ITIH6: variants seen among roughly 807,000 people sequenced by gnomAD.
The protein encoded by ITIH6 is inter-alpha-trypsin inhibitor heavy chain family member 6.
Under a neutral mutation model 58.2 loss-of-function variants are expected in ITIH6, and 60 were observed. The ratio of observed to expected loss-of-function variants is 1.03; its 90% CI spans 0.84 to 1.28. The LOEUF (loss-of-function observed/expected upper bound fraction) is 1.28. ITIH6 is among the 50% of genes most tolerant of loss of function. The pLI is 0.00. For synonymous variants in ITIH6, 493 were observed against 417.4 expected (o/e 1.18, Z -2.21); for missense variants, 1,290 against 1,021.1 (o/e 1.26, Z -3.59).
At chrX:54,770,481 G>A (rs1041321546) in intron 6 of ITIH6, among the ~76,000 whole-genome samples, 2 of 112,607 alleles carry the variant, frequency 1.8e-5, no homozygotes, top group East Asian at 2.8e-4. Context: ...ACATGATCCC[G>A]TTTTATCTTA....
chrX:54,791,956 T>C lies in ITIH6; in HGVS notation c.338A>G (p.Gln113Arg). ...AKKIYEEAHQ[Q>R]GKTAAHVGIR... ...GCCTACATGAGCAGCTGTCTTTCCC[T>C]GCTGATGGGCTTCTTCATAGATTTT... The change falls in exon 3 of 13, where the codon CAG becomes CGG. Residue 113 changes from glutamine (Q) to arginine (R), a missense_variant. Transcript: ENST00000218436. The C allele has an allele frequency of 8.3e-7, 1 of 1,199,556 alleles. No individual in the cohort carries two copies. Among genetic ancestry groups the C allele is most frequent in the Non-Finnish European group, 1.1e-6 (1 of 884,280 alleles).
chrX:54,757,342 G>A lies in ITIH6; in HGVS notation c.2732C>T (p.Ser911Phe). ...LSTFPNTISSSTGPSSTTTTS... is the reference protein window; with the variant it reads ...LSTFPNTISSFTGPSSTTTTS... ...GGTTGTGGTACTGCTGGGACCTGTG[G>A]AACTTGAGATTGTATTTGGGAATGT... Residue 911 changes from serine (S) to phenylalanine (F), a missense_variant, in exon 8 of 13, where the codon TCC (serine) becomes TTC (phenylalanine). Physicochemically the swap from Ser to Phe is radical, Grantham distance 155. Coordinates refer to ENST00000218436, the MANE Select transcript of ITIH6 (RefSeq NM_198510.3). 1.7e-6 allele frequency: 2 copies of A among 1,204,470 alleles called. No homozygotes were observed. The highest frequency in any genetic ancestry group is 2.2e-6 in the Non-Finnish European group (2 of 891,526).
chrX:54,792,193 AAGAGAAGAAGAGGAAAGG>A (rs1929363542), intron 2 of ITIH6, among the ~76,000 whole-genome samples, 157 bp from the exon 3 acceptor site: 1 of 111,414 alleles, frequency 9.0e-6, no homozygotes, highest in Non-Finnish European at 1.9e-5. Context: ...GAGCGGCAAG[AAGAGAAGAAGAGGAAAGG>A]AGAGGGAGAT....
intron 12 of ITIH6, 100 bp from the exon 13 acceptor site, chrX:54,750,206 A>T (rs1006509612): frequency 6.4e-6 from 4 of 627,495 alleles, no homozygotes; most frequent in Non-Finnish European, 9.8e-6. Context: ...GATTTAAAGG[A>T]GGAAGAAGGA....
Position 54,759,871 on chromosome X carries a change from G to T in ITIH6, c.960C>A (p.Asn320Lys). 1.7e-6 allele frequency: 2 copies of T among 1,209,819 alleles called. No individual in the cohort carries two copies. Among genetic ancestry groups the T allele is most frequent in the Non-Finnish European group, 2.2e-6 (2 of 893,668 alleles). Residue 320 changes from asparagine (N) to lysine (K), a missense_variant, in exon 7 of 13, where the codon AAC becomes AAA. Physicochemically the swap from Asn to Lys is moderately conservative, Grantham distance 94. Transcript: ENST00000218436. The part of the protein sequence containing the change: ...LSDLQANDYF[N>K]IISFSDTVNV... ...TAACTGTGTCAGAAAAGGAGATGAT[G>T]TTGAAGTAGTCATTGGCTTGAAGGT...
rs996817421 is a variant in ITIH6, at chrX:54,749,826, G to T, written c.*69C>A. On this transcript the variant is annotated 3_prime_UTR_variant, in exon 13 of 13. Transcript: ENST00000218436. ...TCCATGTCCTTGGGTCTCTGTCCCT[G>T]GCTCACCCCATGCCCTGGTTTCTGG... is the stretch of plus-strand genomic sequence containing the variant. 1 of 946,688 alleles carries T rather than the reference G, an allele frequency of 1.1e-6. No individual in the cohort carries two copies. The highest frequency in any genetic ancestry group is 1.5e-6 in the Non-Finnish European group (1 of 680,472). 78.0% of individuals were successfully genotyped at this position (946,688 alleles called of 1,213,427 possible). A position where few individuals can be genotyped will look rare whatever the true frequency, so the allele number is the denominator to read the frequency against.
At position 54,756,979 on chromosome X, in the gene ITIH6, G is replaced by T; in HGVS notation, c.3095C>A (p.Thr1032Asn). 8.5e-7 allele frequency: 1 copy of T among 1,178,230 alleles called. No homozygotes were observed. The highest frequency in any genetic ancestry group is 3.0e-5 in the East Asian group (1 of 33,614). The change falls in exon 8 of 13, where the codon ACT becomes AAT. Residue 1032 changes from threonine (T) to asparagine (N), a missense_variant. Physicochemically the swap from Thr to Asn is moderately conservative, Grantham distance 65. Transcript: ENST00000218436. ...LNPPAFYTFL[T>N]PDEDGSPNWD... ...ATGGCACTCACCATCTTCATCAGGA[G>T]TGAGGAAGGTATAGAAAGCTGGTGG... is the stretch of plus-strand genomic sequence containing the variant.
intron 9 of ITIH6, among the ~76,000 whole-genome samples, chrX:54,754,408 C>T (rs910658106): frequency 8.9e-6 from 1 of 111,786 alleles, no homozygotes; most frequent in African/African-American, 3.3e-5. Context: ...TTCATGTGAC[C>T]CTATTGAACT....
chrX:54,754,953 A>G, intron 9 of ITIH6, 64 bp downstream of exon 9: 3 of 853,346 alleles, frequency 3.5e-6, no homozygotes, highest in Middle Eastern at 2.8e-4. Context: ...CAATGTCAAT[A>G]AGAATTCTAA....
At chrX:54,782,965 T>C (rs1005641930) in intron 5 of ITIH6, among the ~76,000 whole-genome samples, 2 of 111,747 alleles carry the variant, frequency 1.8e-5, no homozygotes, top group African/African-American at 3.3e-5. Context: ...CAAACTTAAC[T>C]CAATAACACA....
intron 12 of ITIH6, 128 bp downstream of exon 12, chrX:54,750,875 G>A: frequency 1.4e-6 from 1 of 695,998 alleles, no homozygotes; most frequent in African/African-American, 2.2e-5. Flanking sequence ...CCAAGATGAG[G>A]AGCTCCCCAA....
In ITIH6 at chrX:54,792,006, T is replaced by G. The variant is rs1250492440; in HGVS notation, c.288A>C (p.Glu96Asp). Residue 96 changes from glutamate (E) to aspartate (D), a missense_variant, in exon 3 of 13, where the codon GAA (glutamate) becomes GAC (aspartate). By Grantham distance (45) the Glu-to-Asp change is conservative. Coordinates refer to ENST00000218436, the MANE Select transcript of ITIH6 (RefSeq NM_198510.3). ...MTINNKVYIA[E>D]VKEKHQAKKI... ...TCTTTGCCTGGTGCTTCTCTTTGAC[T>G]TCTGCAATGTAGACTTTATTGTTGA... The G allele has an allele frequency of 8.3e-7, 1 of 1,205,615 alleles. No homozygotes were observed. The highest frequency in any genetic ancestry group is 1.1e-6 in the Non-Finnish European group (1 of 891,156).
At position 54,751,051 on chromosome X, in the gene ITIH6, A is replaced by T. The variant is rs759392609; in HGVS notation, c.3682T>A (p.Tyr1228Asn). 4 of 1,188,272 alleles carry T rather than the reference A, an allele frequency of 3.4e-6. No individual in the cohort carries two copies. The highest frequency in any genetic ancestry group is 4.5e-6 in the Non-Finnish European group (4 of 884,256). ...CTGAGGCCTGAGCCATTGGCCACGT[A>T]GAACCCCAGGTGGGGTAGTTGCAGG... ...STLQLPHLGF[Y>N]VANGSGLSPS... The change falls in exon 12 of 13, where the codon TAC (tyrosine) becomes AAC (asparagine). Residue 1228 changes from tyrosine (Y) to asparagine (N), a missense_variant. By Grantham distance (143) the Tyr-to-Asn change is moderately radical (BLOSUM62 -2). Transcript: ENST00000218436.
chrX:54,790,749 G>A, intron 4 of ITIH6, 88 bp downstream of exon 4: 1 of 1,086,776 alleles, frequency 9.2e-7, no homozygotes, highest in Non-Finnish European at 1.3e-6. Flanking sequence ...GAGCAGAAGT[G>A]GCACTAGAGG....
At chrX:54,759,953 G>T in intron 6 of ITIH6, 26 bp from the exon 7 acceptor site, 1 of 1,160,642 alleles carries the variant, frequency 8.6e-7, no homozygotes, top group South Asian at 1.9e-5. Context: ...GAAATGAAGA[G>T]AATGGGACAA....
At chrX:54,768,601 G>A (rs369173624) in intron 6 of ITIH6, among the ~76,000 whole-genome samples, 2 of 108,548 alleles carry the variant, frequency 1.8e-5, no homozygotes, top group Non-Finnish European at 1.9e-5. Flanking sequence ...TGACAAAATC[G>A]GTCAGCATTT....
chrX:54,780,866 C>G (rs1281039198), intron 5 of ITIH6, among the ~76,000 whole-genome samples: 1 of 110,826 alleles, frequency 9.0e-6, no homozygotes, highest in Non-Finnish European at 1.9e-5. Context: ...ATCATTAATG[C>G]CTACTATGAG....
In ITIH6 at chrX:54,758,012, C is replaced by T. The variant is rs1409670656; in HGVS notation, c.2062G>A (p.Glu688Lys). ...GTATGAGGGCTCTCTCCCAATGGCT[C>T]CAGCTCTTTGGAACTTAGCATCTTC... The part of the protein sequence containing the change: ...TKKMLSSKEL[E>K]PLGESPHTLS... Residue 688 changes from glutamate (E) to lysine (K), a missense_variant, in exon 8 of 13, where the codon GAG becomes AAG. Coordinates refer to ENST00000218436, the MANE Select transcript of ITIH6 (RefSeq NM_198510.3). 8.3e-7 allele frequency: 1 copy of T among 1,211,442 alleles called. No individual in the cohort carries two copies. The highest frequency in any genetic ancestry group is 1.1e-6 in the Non-Finnish European group (1 of 895,247).
Position 54,762,958 on chromosome X carries a change from G to A in ITIH6, c.904-3031C>T, listed in dbSNP as rs756919843. Among the ~76,000 whole-genome samples, 158 of 111,698 alleles carry A rather than the reference G, an allele frequency of 1.4e-3. 1 individual carries two copies. The highest frequency in any genetic ancestry group is 5.0e-3 in the African/African-American group (155 of 30,798). ...ATTATCACAGCAACACAATGAAGAA[G>A]GTATTAATACTATCCTCATTTTACA... On this transcript the variant is annotated intron_variant, in intron 6 of 12. Transcript: ENST00000218436.
Sources: allele counts gnomAD v4.1 joint callset (sites outside exome capture counted in the v4.1 genomes callset), GRCh38; gene constraint gnomAD v4.1.1; transcripts MANE v1.5; gene names NCBI Gene and HGNC (gene_info 2026-07-23, HGNC 2026-07-21).